The following KLF12 variants were observed in gnomAD, a reference collection of about 807,000 sequenced individuals.
KLF12 encodes the protein KLF transcription factor 12.
A neutral mutation model predicts 37.8 loss-of-function variants in KLF12; 9 were observed. The ratio of observed to expected loss-of-function variants is 0.24; its 90% CI spans 0.14 to 0.42. The LOEUF (loss-of-function observed/expected upper bound fraction) is 0.42. Ranked by LOEUF, KLF12 falls within the 10% of genes least tolerant of loss-of-function variation. The probability of loss-of-function intolerance (pLI) is 1.00; values close to 1 mark genes in which losing one functional copy is unlikely to be tolerated. For missense variants in KLF12, 411 were observed against 516.0 expected, an observed-to-expected ratio of 0.80 and a Z score of 1.97; for synonymous variants, 208 against 202.1, an observed-to-expected ratio of 1.03 and a Z score of -0.25.
the KLF12 span, among the ~76,000 whole-genome samples, chr13:74,293,904 T>C: frequency 6.6e-6 from 1 of 152,336 alleles, no homozygotes; most frequent in East Asian, 1.9e-4. Context: ...AGAGTCATGA[T>C]TGAAATTCTG....
chr13:74,019,573 T>C (rs1047616222), intron 1 of KLF12, among the ~76,000 whole-genome samples: 11 of 152,248 alleles, frequency 7.2e-5, no homozygotes, highest in Non-Finnish European at 1.5e-4. Context: ...TAACATCGTA[T>C]GTTTAAATAA....
At chr13:73,951,949 A>G (rs370655377) in intron 2 of KLF12, among the ~76,000 whole-genome samples, 33 of 152,346 alleles carry the variant, frequency 2.2e-4, no homozygotes, top group African/African-American at 7.9e-4. Flanking sequence ...AAGTAAATAA[A>G]TATCTGTTGG....
chr13:73,967,319 G>A (rs1227931235), intron 2 of KLF12, among the ~76,000 whole-genome samples: 1 of 152,176 alleles, frequency 6.6e-6, no homozygotes, highest in Non-Finnish European at 1.5e-5. Flanking sequence ...CAAGGTGAAG[G>A]AGCCTGCCAA....
chr13:73,736,553 T>C (rs946045077), intron 6 of KLF12, among the ~76,000 whole-genome samples: 3 of 152,206 alleles, frequency 2.0e-5, no homozygotes, highest in Admixed American at 1.3e-4. Flanking sequence ...TCAGGTGATA[T>C]GTGTCTGCAT....
intron 6 of KLF12, among the ~76,000 whole-genome samples, chr13:73,740,226 C>T (rs1430796021): frequency 6.6e-6 from 1 of 152,154 alleles, no homozygotes; most frequent in African/African-American, 2.4e-5. Context: ...AAAGAGGCTC[C>T]AGAGAGCTGC....
intron 1 of KLF12, among the ~76,000 whole-genome samples, chr13:74,076,120 C>T (rs1227455783): frequency 2.0e-5 from 3 of 152,114 alleles, no homozygotes; most frequent in African/African-American, 7.2e-5. Flanking sequence ...AAGAACTGTA[C>T]ATTTTAAATA....
chr13:73,866,086 T>C (rs1332012205), intron 3 of KLF12, among the ~76,000 whole-genome samples: 1 of 152,062 alleles, frequency 6.6e-6, no homozygotes, highest in African/African-American at 2.4e-5. Flanking sequence ...CGAAACTCCA[T>C]CACTACTAAA....
intron 5 of KLF12, among the ~76,000 whole-genome samples, chr13:73,795,602 T>C (rs1881916447): frequency 6.6e-6 from 1 of 152,244 alleles, no homozygotes; most frequent in South Asian, 2.1e-4. Flanking sequence ...TTTATGATCC[T>C]AGTTTTATGC....
intron 6 of KLF12, among the ~76,000 whole-genome samples, chr13:73,754,354 G>A (rs767245931): frequency 2.0e-5 from 3 of 152,118 alleles, no homozygotes; most frequent in Non-Finnish European, 4.4e-5. Context: ...TTTGTTTTTA[G>A]GTCTTGGCAT....
At chr13:74,241,898 C>T in the KLF12 span, among the ~76,000 whole-genome samples, 7 of 152,182 alleles carry the variant, frequency 4.6e-5, no homozygotes, top group African/African-American at 1.4e-4. Flanking sequence ...CAGAAATCAC[C>T]GTCTTCTGCG....
chr13:73,888,441 A>AC (rs1887340660), intron 3 of KLF12, among the ~76,000 whole-genome samples: 1 of 152,252 alleles, frequency 6.6e-6, no homozygotes, highest in Non-Finnish European at 1.5e-5. Flanking sequence ...TGAAGAAATT[A>AC]GATATTGCTG....
chr13:73,818,350 G>C (rs376517081), intron 4 of KLF12, among the ~76,000 whole-genome samples: 3 of 152,206 alleles, frequency 2.0e-5, no homozygotes, highest in East Asian at 3.9e-4. Flanking sequence ...AGACTTGATA[G>C]GATGCTCATA....
At chr13:73,896,950 T>A (rs778108948) in intron 3 of KLF12, among the ~76,000 whole-genome samples, 14 of 152,190 alleles carry the variant, frequency 9.2e-5, no homozygotes, top group Non-Finnish European at 1.9e-4. Context: ...GTTCCTTTCC[T>A]GGGCAAAGTC....
rs571459574 is a variant in KLF12, at chr13:73,756,812, G to T, written c.869+8126C>A. On this transcript the variant is annotated intron_variant, in intron 6 of 7. Transcript: ENST00000377669. ...TTCCTCTATTGTGATTATTGAGGAG[G>T]TGACACAGAGGAACTAGAGCTGACC... 8.5e-5 allele frequency among the ~76,000 whole-genome samples: 13 copies of T among 152,210 alleles called. No homozygotes were observed. In the South Asian group the frequency reaches 2.7e-3, roughly 32 times the overall value.
intron 2 of KLF12, among the ~76,000 whole-genome samples, chr13:73,984,308 A>T (rs980439601): frequency 3.9e-5 from 6 of 152,138 alleles, no homozygotes; most frequent in African/African-American, 1.4e-4. Context: ...TCACACTGGG[A>T]AGGTGCAGCT....
the KLF12 span, among the ~76,000 whole-genome samples, chr13:74,165,299 CTTT>C: frequency 0.013 from 1,302 of 98,318 alleles, 7 homozygotes; most frequent in Non-Finnish European, 0.02. Context: ...ATTTTCTTTT[CTTT>C]TTTTTTTTTT....
Position 73,797,945 on chromosome 13 carries a change from G to A in KLF12, c.806+15207C>T, listed in dbSNP as rs11840787. On this transcript the variant is annotated intron_variant, in intron 5 of 7. Transcript: ENST00000377669. ...TTCTTCTTCCTGATTGTTTTTTGGCGTTTAACCAATTTATTACTCATTTTC... is the reference window on the plus strand; with the variant it reads ...TTCTTCTTCCTGATTGTTTTTTGGCATTTAACCAATTTATTACTCATTTTC... 8.4e-3 allele frequency among the ~76,000 whole-genome samples: 1,282 copies of A among 152,006 alleles called. 14 individuals are homozygous for A. Among genetic ancestry groups the A allele is most frequent in the African/African-American group, 0.026 (1,059 of 41,448 alleles).
At chr13:73,780,475 T>G (rs1273835131) in intron 5 of KLF12, among the ~76,000 whole-genome samples, 3 of 151,754 alleles carry the variant, frequency 2.0e-5, no homozygotes, top group South Asian at 2.1e-4. Context: ...GGAATGGTTT[T>G]TTTTTTTTTT....
intron 5 of KLF12, among the ~76,000 whole-genome samples, chr13:73,791,177 T>C (rs9565041): frequency 0.16 from 23,753 of 152,262 alleles, 2,297 homozygotes; most frequent in African/African-American, 0.28. Flanking sequence ...TTAAAGTATA[T>C]GTAATTCATA....
Sources: allele counts gnomAD v4.1 joint callset (sites outside exome capture counted in the v4.1 genomes callset), GRCh38; gene constraint gnomAD v4.1.1; transcripts MANE v1.5; gene names NCBI Gene and HGNC (gene_info 2026-07-23, HGNC 2026-07-21).